The following COL11A1 variants were observed in gnomAD, a reference collection of about 807,000 sequenced individuals.
COL11A1 encodes collagen alpha-1(XI) chain.
A neutral mutation model predicts 265.2 loss-of-function variants in COL11A1; 74 were observed. The ratio of observed to expected loss-of-function variants is 0.28; its 90% confidence interval spans 0.23 to 0.34. The LOEUF is 0.34. Ranked by LOEUF, COL11A1 falls within the 10% of genes least tolerant of loss-of-function variation. The probability of loss-of-function intolerance (pLI) is 1.00; values close to 1 mark genes in which losing one functional copy is unlikely to be tolerated. For synonymous variants in COL11A1, 816 were observed against 727.6 expected (o/e 1.12, Z -1.96); for missense variants, 2,165 against 2,263.6 (o/e 0.96, Z 0.88).
At chr1:103,052,652 G>C (rs1057027432) in intron 4 of COL11A1, among the ~76,000 whole-genome samples, 1 of 152,062 alleles carries the variant, frequency 6.6e-6, no homozygotes, top group Non-Finnish European at 1.5e-5. Flanking sequence ...CAACTTAAGT[G>C]AACACCTAGC....
At chr1:102,991,307 A>G (rs1664104268) in intron 28 of COL11A1, among the ~76,000 whole-genome samples, 1 of 152,194 alleles carries the variant, frequency 6.6e-6, no homozygotes, top group African/African-American at 2.4e-5. Flanking sequence ...TAGGAAGGAT[A>G]GGCACAAATG....
chr1:102,989,469 A>G, intron 29 of COL11A1, 49 bp downstream of exon 29: 3 of 1,153,892 alleles, frequency 2.6e-6, no homozygotes, highest in South Asian at 1.5e-5. Context: ...GAAAAAATAT[A>G]TATATATATT....
At chr1:102,949,932 T>G (rs1659713507) in intron 41 of COL11A1, among the ~76,000 whole-genome samples, 1 of 152,186 alleles carries the variant, frequency 6.6e-6, no homozygotes, top group Non-Finnish European at 1.5e-5. Flanking sequence ...AATGCTTGTC[T>G]CCTTTATCCA....
At chr1:102,882,210 G>C (rs569263463) in intron 64 of COL11A1, among the ~76,000 whole-genome samples, 1 of 152,140 alleles carries the variant, frequency 6.6e-6, no homozygotes, top group Non-Finnish European at 1.5e-5. Context: ...CTGTGTGAAA[G>C]GCACTGATTG....
chr1:102,931,184 T>G (rs917900724), intron 46 of COL11A1, among the ~76,000 whole-genome samples: 2 of 146,150 alleles, frequency 1.4e-5, no homozygotes, highest in Non-Finnish European at 3.0e-5. Context: ...ATTGTGATGT[T>G]AGGGTGTCAA....
chr1:102,898,624 A>C (rs188953972), intron 56 of COL11A1, 42 bp downstream of exon 56: 12 of 1,537,942 alleles, frequency 7.8e-6, no homozygotes, highest in Non-Finnish European at 1.1e-5. Flanking sequence ...TAAAATAAAA[A>C]TGTTATTTTC....
intron 44 of COL11A1, among the ~76,000 whole-genome samples, chr1:102,936,850 A>G (rs1025689749): frequency 2.0e-4 from 30 of 152,170 alleles, no homozygotes; most frequent in African/African-American, 7.0e-4. Flanking sequence ...TAAAATTTCT[A>G]TGTAAAATCA....
intron 54 of COL11A1, among the ~76,000 whole-genome samples, chr1:102,900,569 T>C (rs961454079): frequency 4.6e-5 from 7 of 152,120 alleles, no homozygotes; most frequent in Non-Finnish European, 1.0e-4. Context: ...AAAGATTGCA[T>C]TTACAAACAT....
chr1:103,040,309 A>C (rs1668709961), intron 4 of COL11A1, among the ~76,000 whole-genome samples: 1 of 151,198 alleles, frequency 6.6e-6, no homozygotes, highest in Non-Finnish European at 1.5e-5. Flanking sequence ...GTTCAAATAT[A>C]TAGTTCAAAA....
In COL11A1 at chr1:102,921,503, T is replaced by G; in HGVS notation, c.3708+15A>C. Reference sequence around the variant, plus strand: ...ATAACTTCAAAATAATTAACATATATTTCAGAGTTCTTACATCAGCTCCAT... The same window carrying G: ...ATAACTTCAAAATAATTAACATATAGTTCAGAGTTCTTACATCAGCTCCAT... On this transcript the variant is annotated intron_variant, in intron 48 of 66. Transcript: ENST00000370096. 6.2e-7 allele frequency: 1 copy of G among 1,604,206 alleles called. No individual in the cohort carries two copies. The highest frequency in any genetic ancestry group is 1.3e-5 in the African/African-American group (1 of 74,836).
chr1:103,026,576 A>C (rs780095521), intron 5 of COL11A1, among the ~76,000 whole-genome samples: 8 of 152,196 alleles, frequency 5.3e-5, no homozygotes, highest in Non-Finnish European at 1.0e-4. Context: ...GAAAACAAAA[A>C]ATTTGGAATA....
intron 49 of COL11A1, among the ~76,000 whole-genome samples, chr1:102,917,990 T>C (rs1303973601): frequency 6.6e-6 from 1 of 151,554 alleles, no homozygotes; most frequent in African/African-American, 2.4e-5. Flanking sequence ...AAAATTTATC[T>C]AAAATGTTTC....
intron 4 of COL11A1, among the ~76,000 whole-genome samples, chr1:103,069,545 A>G (rs373363429): frequency 6.6e-6 from 1 of 151,916 alleles, no homozygotes; most frequent in African/African-American, 2.4e-5. Context: ...CAAAATTGAT[A>G]AATTAAACTT....
intron 57 of COL11A1, among the ~76,000 whole-genome samples, chr1:102,893,828 T>C (rs1298835127): frequency 6.6e-6 from 1 of 152,168 alleles, no homozygotes; most frequent in African/African-American, 2.4e-5. Flanking sequence ...TTTAAACCTT[T>C]TTAATCATTG....
intron 41 of COL11A1, among the ~76,000 whole-genome samples, chr1:102,958,660 T>G (rs1266217273): frequency 6.6e-6 from 1 of 152,150 alleles, no homozygotes; most frequent in Non-Finnish European, 1.5e-5. Flanking sequence ...TTCCAACAAC[T>G]TTAAGGAATA....
chr1:103,071,498 T>G lies in COL11A1; in HGVS notation c.651+3120A>C, dbSNP rs115268092. On this transcript the variant is annotated intron_variant, in intron 4 of 66. Coordinates refer to ENST00000370096, the MANE Select transcript of COL11A1 (RefSeq NM_001854.4). ...TTTTTTTTTTTTTTTTTTTTTTGCCTGCATGGAAATATTCATTCAATCAGA... is the reference window on the plus strand; with the variant it reads ...TTTTTTTTTTTTTTTTTTTTTTGCCGGCATGGAAATATTCATTCAATCAGA... 8.2e-3 allele frequency among the ~76,000 whole-genome samples: 1,052 copies of G among 127,998 alleles called. 21 individuals carry two copies. Among genetic ancestry groups the G allele is most frequent in the African/African-American group, 0.03 (1,002 of 33,880 alleles). 84.0% of individuals were successfully genotyped at this position (127,998 alleles called of 152,430 possible). A position where few individuals can be genotyped will look rare whatever the true frequency, so the allele number is the denominator to read the frequency against.
chr1:102,997,055 T>A, intron 26 of COL11A1, 25 bp downstream of exon 26: 1 of 1,603,800 alleles, frequency 6.2e-7, no homozygotes, highest in Non-Finnish European at 8.5e-7. Context: ...TAATAGGACA[T>A]TTAAATGGAT....
chr1:102,884,759 C>T (rs1030442177), intron 63 of COL11A1, among the ~76,000 whole-genome samples: 1 of 152,164 alleles, frequency 6.6e-6, no homozygotes, highest in East Asian at 1.9e-4. Context: ...ATGTAGAAAA[C>T]CCCAAGTCAA....
chr1:102,945,134 G>T (rs769585876), intron 42 of COL11A1, among the ~76,000 whole-genome samples: 1 of 152,080 alleles, frequency 6.6e-6, no homozygotes, highest in Non-Finnish European at 1.5e-5. Flanking sequence ...GCAACAGTGT[G>T]GGGGAGTAGG....
Sources: allele counts gnomAD v4.1 joint callset (sites outside exome capture counted in the v4.1 genomes callset), GRCh38; gene constraint gnomAD v4.1.1; transcripts MANE v1.5; gene names NCBI Gene and HGNC (gene_info 2026-07-23, HGNC 2026-07-21).